The following CSMD1 variants were observed in gnomAD, a reference collection of about 807,000 sequenced individuals.
The protein encoded by CSMD1 is CUB and sushi domain-containing protein 1.
Under a neutral mutation model 417.5 loss-of-function variants are expected in CSMD1, and 213 were observed. The observed-to-expected ratio is 0.51, with a 90% CI of 0.46 to 0.57. The LOEUF is 0.57. Ranked by LOEUF, CSMD1 falls within the 20% of genes least tolerant of loss-of-function variation. The pLI is 0.00. For missense variants in CSMD1, 6,923 were observed against 4,529.7 expected (o/e 1.53, Z -15.17); for synonymous variants, 2,862 against 1,736.8 (o/e 1.65, Z -16.11).
chr8:3,063,634 G>C (rs898604112), intron 49 of CSMD1, among the ~76,000 whole-genome samples: 1 of 152,148 alleles, frequency 6.6e-6, no homozygotes, highest in African/African-American at 2.4e-5. Flanking sequence ...ACACACAGTG[G>C]GTTATTACTC....
chr8:3,745,848 G>C (rs1797041335), intron 6 of CSMD1, among the ~76,000 whole-genome samples: 1 of 152,158 alleles, frequency 6.6e-6, no homozygotes, highest in African/African-American at 2.4e-5. Context: ...TGAATAATCT[G>C]TGGTTTCCCC....
chr8:4,591,409 G>T (rs1799975700), intron 2 of CSMD1, among the ~76,000 whole-genome samples: 1 of 152,218 alleles, frequency 6.6e-6, no homozygotes, highest in South Asian at 2.1e-4. Flanking sequence ...GAGAAGGGAT[G>T]AAAGAAAAGC....
intron 7 of CSMD1, among the ~76,000 whole-genome samples, chr8:3,648,346 T>C (rs1785933335): frequency 6.6e-6 from 1 of 152,210 alleles, no homozygotes; most frequent in Admixed American, 6.5e-5. Context: ...TTGAACAATA[T>C]TTTGGTCATG....
At chr8:3,888,015 T>A (rs936857478) in intron 5 of CSMD1, among the ~76,000 whole-genome samples, 1 of 152,316 alleles carries the variant, frequency 6.6e-6, no homozygotes, top group South Asian at 2.1e-4. Flanking sequence ...GTCCAACTTC[T>A]GGCAGAGAAA....
At chr8:3,334,075 G>C (rs1233191129) in intron 23 of CSMD1, among the ~76,000 whole-genome samples, 4 of 152,198 alleles carry the variant, frequency 2.6e-5, no homozygotes, top group African/African-American at 9.6e-5. Context: ...TGAAGGCATT[G>C]AAAGAATCTA....
At chr8:2,997,186 G>A (rs1450067640) in intron 54 of CSMD1, among the ~76,000 whole-genome samples, 1 of 152,212 alleles carries the variant, frequency 6.6e-6, no homozygotes, top group African/African-American at 2.4e-5. Context: ...TATTTTAGGG[G>A]GAAACAGAGG....
At chr8:3,022,679 T>TAAA (rs35865350) in intron 51 of CSMD1, among the ~76,000 whole-genome samples, 12 of 136,372 alleles carry the variant, frequency 8.8e-5, no homozygotes, top group East Asian at 6.4e-4. Context: ...ACATTCTAGC[T>TAAA]AAAAAAAAAA....
intron 10 of CSMD1, among the ~76,000 whole-genome samples, chr8:3,508,590 C>T (rs536556988): frequency 1.3e-3 from 199 of 152,056 alleles, no homozygotes; most frequent in Middle Eastern, 6.8e-3. Context: ...AACTGAGACA[C>T]TTATTTTAGC....
intron 2 of CSMD1, among the ~76,000 whole-genome samples, chr8:4,446,348 A>T (rs80252266): frequency 6.6e-6 from 1 of 152,064 alleles, no homozygotes; most frequent in Non-Finnish European, 1.5e-5. Flanking sequence ...AGGAGTTTGA[A>T]ACCAGCCTGG....
chr8:4,133,317 G>A (rs184001864), intron 3 of CSMD1, among the ~76,000 whole-genome samples: 3 of 152,126 alleles, frequency 2.0e-5, no homozygotes, highest in African/African-American at 7.2e-5. Flanking sequence ...CTGGAATGAG[G>A]ACAAATAATG....
intron 2 of CSMD1, among the ~76,000 whole-genome samples, chr8:4,631,398 GTTTT>G (rs566703213): frequency 7.2e-6 from 1 of 138,370 alleles, no homozygotes. Context: ...ACCTTGGTTT[GTTTT>G]TTTTTTTTTT....
chr8:4,753,913 G>C lies in CSMD1; in HGVS notation c.86-116355C>G, dbSNP rs766282393. On this transcript the variant is annotated intron_variant, in intron 1 of 69. Coordinates refer to ENST00000635120, the MANE Select transcript of CSMD1 (RefSeq NM_033225.6). ...CAGGGAGTTGTTTTCCTGTTCATCT[G>C]TTACCAGCACATGCGAGATGCTTTA... 3.3e-5 allele frequency among the ~76,000 whole-genome samples: 5 copies of C among 152,228 alleles called. No individual in the cohort carries two copies. In the East Asian group the frequency reaches 9.6e-4, roughly 29 times the overall value.
At chr8:4,723,311 C>A (rs1376238881) in intron 1 of CSMD1, among the ~76,000 whole-genome samples, 1 of 152,124 alleles carries the variant, frequency 6.6e-6, no homozygotes, top group Non-Finnish European at 1.5e-5. Flanking sequence ...ACTACAATAG[C>A]CAGGATTGAT....
chr8:4,462,534 C>G (rs940983744), intron 2 of CSMD1, among the ~76,000 whole-genome samples: 1 of 152,056 alleles, frequency 6.6e-6, no homozygotes, highest in Non-Finnish European at 1.5e-5. Context: ...TTAGAATACT[C>G]AAAACAATCT....
intron 1 of CSMD1, among the ~76,000 whole-genome samples, chr8:4,765,389 A>G (rs1464345807): frequency 6.6e-6 from 1 of 152,230 alleles, no homozygotes; most frequent in Admixed American, 6.5e-5. Context: ...TTGTCAGATA[A>G]TACATTGAGG....
chr8:3,565,535 T>C (rs1799668626), intron 10 of CSMD1, among the ~76,000 whole-genome samples: 1 of 152,142 alleles, frequency 6.6e-6, no homozygotes, highest in African/African-American at 2.4e-5. Context: ...ACAACATAGG[T>C]TTCTATGTTA....
rs1563064585 is a variant in CSMD1 at position 3,772,506 on chromosome 8, CACATATATACATA to C, written c.819-18477_819-18465del. Among the ~76,000 whole-genome samples, 89 of 17,512 alleles carry C rather than the reference CACATATATACATA, an allele frequency of 5.1e-3. 7 individuals are homozygous for C. Among genetic ancestry groups the C allele is most frequent in the Middle Eastern group, 0.042 (1 of 24 alleles). 11.5% of individuals were successfully genotyped at this position (17,512 alleles called of 152,430 possible). ...ATATATACACATATATACATATATA[CACATATATACATA>C]TATACACATATATACATATATACAC... On this transcript the variant is annotated intron_variant, in intron 5 of 69. Transcript: ENST00000635120.
intron 7 of CSMD1, among the ~76,000 whole-genome samples, chr8:3,617,621 C>A (rs1317668563): frequency 1.3e-5 from 2 of 152,252 alleles, no homozygotes; most frequent in East Asian, 3.9e-4. Flanking sequence ...ATTTCTGTGT[C>A]CAGGTTTCAA....
chr8:4,815,534 G>GA (rs1386127779), intron 1 of CSMD1, among the ~76,000 whole-genome samples: 1 of 151,236 alleles, frequency 6.6e-6, no homozygotes, highest in Non-Finnish European at 1.5e-5. Flanking sequence ...CATCTCTACT[G>GA]AAAATACAAA....
Sources: gnomAD v4.1 joint callset for allele counts (sites outside exome capture counted in the v4.1 genomes callset) on GRCh38, gnomAD v4.1.1 for gene constraint, MANE v1.5 for transcripts, NCBI Gene and HGNC (gene_info 2026-07-23, HGNC 2026-07-21) for gene names.